PRELID2: variants seen among roughly 807,000 people sequenced by gnomAD.
PRELID2 encodes PRELI domain containing 2.
PRELID2 carries 25 observed loss-of-function variants against 28.4 expected under a neutral mutation model. That is an observed-to-expected ratio of 0.88 (90% confidence interval 0.64 to 1.23). PRELID2 has a LOEUF of 1.23. Ranked by LOEUF, PRELID2 falls within the 50% of genes most tolerant of loss-of-function variation. The pLI, the probability that PRELID2 is intolerant of heterozygous loss-of-function variation, is 0.00. For missense variants in PRELID2, 201 were observed against 214.4 expected, an observed-to-expected ratio of 0.94 and a Z score of 0.39; for synonymous variants, 76 against 71.6, an observed-to-expected ratio of 1.06 and a Z score of -0.31.
the PRELID2 span, among the ~76,000 whole-genome samples, chr5:145,416,219 G>A: frequency 4.6e-5 from 7 of 151,912 alleles, no homozygotes; most frequent in Non-Finnish European, 1.0e-4. Context: ...GCCATATGTA[G>A]AAAGCTGAAA....
intron 1 of PRELID2, among the ~76,000 whole-genome samples, chr5:145,553,553 T>C (rs1032717698): frequency 4.3e-4 from 66 of 152,228 alleles, no homozygotes; most frequent in Non-Finnish European, 5.9e-4. Context: ...AAGTAAGTTC[T>C]ATTACAATTA....
intron 1 of PRELID2, among the ~76,000 whole-genome samples, chr5:145,601,783 A>G (rs938092343): frequency 6.6e-6 from 1 of 152,214 alleles, no homozygotes; most frequent in African/African-American, 2.4e-5. Context: ...GGATGTGAAT[A>G]TAAGTAACTT....
chr5:145,539,173 C>T (rs1469014471), intron 1 of PRELID2, among the ~76,000 whole-genome samples: 1 of 151,938 alleles, frequency 6.6e-6, no homozygotes, highest in East Asian at 1.9e-4. Context: ...GTTTATATAA[C>T]ACGTGGGGTA....
chr5:145,466,672 C>T, the PRELID2 span, among the ~76,000 whole-genome samples: 274 of 152,140 alleles, frequency 1.8e-3, 2 homozygotes, highest in African/African-American at 6.0e-3. Context: ...ACACATTGTC[C>T]CTTGACAAGC....
At chr5:145,295,243 C>T in the PRELID2 span, among the ~76,000 whole-genome samples, 1 of 151,978 alleles carries the variant, frequency 6.6e-6, no homozygotes, top group Admixed American at 6.6e-5. Context: ...TCTAAGTTGC[C>T]TCTGATGAAA....
chr5:145,403,833 T>C, the PRELID2 span, among the ~76,000 whole-genome samples: 9 of 152,286 alleles, frequency 5.9e-5, no homozygotes, highest in Admixed American at 5.2e-4. Context: ...AAAATCTATA[T>C]GTAATATAGT....
chr5:145,653,307 T>G (rs1754332665), intron 1 of PRELID2, among the ~76,000 whole-genome samples: 1 of 152,256 alleles, frequency 6.6e-6, no homozygotes, highest in African/African-American at 2.4e-5. Flanking sequence ...AATGGGAGAC[T>G]TTAACACCCC....
chr5:145,665,244 A>T (rs1754565402), intron 1 of PRELID2, among the ~76,000 whole-genome samples: 1 of 152,110 alleles, frequency 6.6e-6, no homozygotes, highest in Non-Finnish European at 1.5e-5. Flanking sequence ...CATCCATATC[A>T]ACTACTTACT....
chr5:145,770,153 C>T (rs960599203), intron 5 of PRELID2, among the ~76,000 whole-genome samples: 2 of 152,000 alleles, frequency 1.3e-5, no homozygotes, highest in African/African-American at 2.4e-5. Flanking sequence ...TACTTGATAA[C>T]GATGGTAAAT....
the PRELID2 span, among the ~76,000 whole-genome samples, chr5:145,303,214 A>C: frequency 6.6e-6 from 1 of 152,162 alleles, no homozygotes; most frequent in Admixed American, 6.5e-5. Flanking sequence ...TGTTAGGTAC[A>C]CTTTGGTTTA....
At chr5:145,266,715 T>C in the PRELID2 span, among the ~76,000 whole-genome samples, 1 of 152,224 alleles carries the variant, frequency 6.6e-6, no homozygotes. Context: ...AAATAAGTCA[T>C]TATATGAAAA....
At chr5:145,662,796 C>T (rs562747343) in intron 1 of PRELID2, among the ~76,000 whole-genome samples, 16 of 152,146 alleles carry the variant, frequency 1.1e-4, no homozygotes, top group African/African-American at 3.4e-4. Context: ...AAGGCTCTTA[C>T]GAGATGCGGC....
chr5:145,589,593 T>C (rs988794387), intron 1 of PRELID2, among the ~76,000 whole-genome samples: 1 of 152,194 alleles, frequency 6.6e-6, no homozygotes, highest in Admixed American at 6.6e-5. Flanking sequence ...TTGCATTTAT[T>C]CTTATGTGAA....
At chr5:145,630,103 T>C (rs917721960) in intron 1 of PRELID2, among the ~76,000 whole-genome samples, 18 of 151,272 alleles carry the variant, frequency 1.2e-4, no homozygotes, top group African/African-American at 4.1e-4. Context: ...AAGTGAAAAG[T>C]GTGTACTCAA....
chr5:145,821,330 T>C (rs909015336), intron 2 of PRELID2, among the ~76,000 whole-genome samples: 3 of 151,134 alleles, frequency 2.0e-5, no homozygotes, highest in African/African-American at 4.9e-5. Context: ...AGCCCTCTTC[T>C]GTGTATGTGT....
rs75365437 is a variant in PRELID2, at chr5:145,578,192, T to C, written n.71-104877A>G. On this transcript the variant is annotated intron_variant and non_coding_transcript_variant, in intron 1 of 2. Transcript: ENST00000510259. ...GGAAGATATCTCCCATCTTGCCACA[T>C]GCTGAAAGCAAGCATTTCTAGCCCA... is the stretch of plus-strand genomic sequence containing the variant. 5.4e-3 allele frequency among the ~76,000 whole-genome samples: 824 copies of C among 152,262 alleles called. 2 individuals are homozygous for C. The highest frequency in any genetic ancestry group is 0.011 in the African/African-American group (447 of 41,578).
At chr5:145,432,649 C>T in the PRELID2 span, among the ~76,000 whole-genome samples, 2 of 151,914 alleles carry the variant, frequency 1.3e-5, no homozygotes, top group Admixed American at 1.3e-4. Flanking sequence ...TGGCGGGGGG[C>T]ACTACTGTAA....
At chr5:145,463,592 G>T in the PRELID2 span, among the ~76,000 whole-genome samples, 6 of 152,142 alleles carry the variant, frequency 3.9e-5, 1 homozygote, top group African/African-American at 1.4e-4. Context: ...TAACGGGAAG[G>T]ACTCTGATAT....
intron 1 of PRELID2, among the ~76,000 whole-genome samples, chr5:145,699,123 G>A (rs142868339): frequency 9.2e-5 from 14 of 152,282 alleles, no homozygotes; most frequent in African/African-American, 3.4e-4. Flanking sequence ...CCAGCAGAAT[G>A]TGTGAAGAAT....
Sources: allele counts gnomAD v4.1 joint callset (sites outside exome capture counted in the v4.1 genomes callset), GRCh38; gene constraint gnomAD v4.1.1; transcripts MANE v1.5; gene names NCBI Gene and HGNC (gene_info 2026-07-23, HGNC 2026-07-21).